The following CHRNA2 variants were observed in gnomAD, a reference collection of about 807,000 sequenced individuals.
The protein encoded by CHRNA2 is neuronal acetylcholine receptor subunit alpha-2.
A neutral mutation model predicts 45.5 loss-of-function variants in CHRNA2; 40 were observed. The observed-to-expected ratio is 0.88, with a 90% CI of 0.68 to 1.15. The LOEUF (loss-of-function observed/expected upper bound fraction) is 1.15. CHRNA2 is among the 50% of genes most tolerant of loss of function. The probability of loss-of-function intolerance (pLI) is 0.00; values close to 1 mark genes in which losing one functional copy is unlikely to be tolerated. For missense variants in CHRNA2, 655 were observed against 701.7 expected, an observed-to-expected ratio of 0.93 and a Z score of 0.75; for synonymous variants, 301 against 296.7, an observed-to-expected ratio of 1.01 and a Z score of -0.15.
rs780846003 is a variant in CHRNA2 at position 27,467,242 on chromosome 8, C to A, written c.436G>T (p.Val146Phe). Residue 146 changes from valine to phenylalanine, a missense_variant, in exon 5 of 7, where the codon GTT becomes TTT. By Grantham distance (50) the Val-to-Phe change is conservative. Around this residue, in one of 3 missense-constraint regions of CHRNA2, gnomAD observed 323 missense variants for 354.4 expected, o/e 0.91. Transcript: ENST00000407991. The part of the protein sequence containing the change: ...PSEMIWIPDI[V>F]LYNNADGEFA... The stretch of plus-strand genomic sequence containing the variant: ...ATGGCTTCCTACTTGTTGTAGAGAA[C>A]AATGTCGGGGATCCAGATCATCTCA... The A allele has an allele frequency of 6.2e-7, 1 of 1,613,468 alleles. No homozygotes were observed. Among genetic ancestry groups the A allele is most frequent in the Non-Finnish European group, 8.5e-7 (1 of 1,179,378 alleles).
Position 27,461,281 on chromosome 8 carries a change from G to C in CHRNA2, c.*348C>G, listed in dbSNP as rs930285465. On this transcript the variant is annotated 3_prime_UTR_variant, in exon 7 of 7. Coordinates refer to ENST00000407991, the MANE Select transcript of CHRNA2 (RefSeq NM_000742.4). Reference sequence around the variant, plus strand: ...CTTTGAGGTCTGCATTCCCTTCCTCGTCACCCTGGCCCCACTGTCCCCCTG... The same window carrying C: ...CTTTGAGGTCTGCATTCCCTTCCTCCTCACCCTGGCCCCACTGTCCCCCTG... 1.0e-5 allele frequency: 3 copies of C among 293,796 alleles called. No individual in the cohort carries two copies. Among genetic ancestry groups the C allele is most frequent in the Non-Finnish European group, 2.0e-5 (3 of 151,000 alleles). The allele number at this position is 293,796 out of a possible 1,614,324, so 18.2% of individuals were successfully genotyped here. A position where few individuals can be genotyped will look rare whatever the true frequency, so the allele number is the denominator to read the frequency against.
intron 1 of CHRNA2, among the ~76,000 whole-genome samples, chr8:27,473,420 C>T (rs7819756): frequency 0.46 from 70,371 of 151,850 alleles, 16,632 homozygotes; most frequent in East Asian, 0.63. Context: ...AAACCAAGGG[C>T]TGGGTACAGT....
In CHRNA2 at chr8:27,463,229, T is replaced by G; in HGVS notation, c.1214A>C (p.Glu405Ala). 1 of 1,592,406 alleles carries G rather than the reference T, an allele frequency of 6.3e-7. No homozygotes were observed. Among genetic ancestry groups the G allele is most frequent in the Non-Finnish European group, 8.6e-7 (1 of 1,166,386 alleles). Residue 405 changes from glutamate to alanine, a missense_variant, in exon 6 of 7, where the codon GAG (glutamate) becomes GCG (alanine). This residue lies in a region of CHRNA2 where 295 missense variants were observed against 280.4 expected (regional missense o/e 1.05). Coordinates refer to ENST00000407991, the MANE Select transcript of CHRNA2 (RefSeq NM_000742.4). This position sits in a 1 kb window ranked among gnomAD's most constrained non-coding sequence, Gnocchi z 6.1. ...LKLSPSYHWL[E>A]SNVDAEEREV... is the part of the protein sequence containing the mutation. ...CCTCTCCTCGGCATCCACGTTGCTCTCCAGCCAGTGATAAGAGGGGCTGAG... is the reference window on the plus strand; with the variant it reads ...CCTCTCCTCGGCATCCACGTTGCTCGCCAGCCAGTGATAAGAGGGGCTGAG...
chr8:27,473,529 C>CG (rs112339518), intron 1 of CHRNA2, among the ~76,000 whole-genome samples: 2,135 of 123,410 alleles, frequency 0.017, 166 homozygotes, highest in African/African-American at 0.059. Context: ...GTGAGACCCC[C>CG]CCCGCCGTCT....
At chr8:27,468,834 T>C (rs1812779045) in intron 4 of CHRNA2, among the ~76,000 whole-genome samples, 1 of 152,236 alleles carries the variant, frequency 6.6e-6, no homozygotes, top group Non-Finnish European at 1.5e-5. Flanking sequence ...AGCCATGAGA[T>C]ACAGTGAGCT....
At chr8:27,462,940 G>A (rs773256801) in intron 6 of CHRNA2, 39 bp downstream of exon 6, 1 of 1,613,522 alleles carries the variant, frequency 6.2e-7, no homozygotes, top group Admixed American at 1.7e-5. Flanking sequence ...TAAGTTGGTG[G>A]GGCCACCCAG....
rs1812587755 is a variant in CHRNA2 at position 27,463,510 on chromosome 8, C to G, written c.933G>C (p.Leu311=). 1.9e-6 allele frequency: 3 copies of G among 1,614,208 alleles called. No homozygotes were observed. Among genetic ancestry groups the G allele is most frequent in the Non-Finnish European group, 1.7e-6 (2 of 1,180,048 alleles). The change falls in exon 6 of 7, where the codon CTG becomes CTC. Residue 311 remains leucine (L), a synonymous_variant. Transcript: ENST00000407991. This position sits in a 1 kb window ranked among gnomAD's most constrained non-coding sequence, Gnocchi z 6.1. ...ISVLLSLTVF[L]LLITEIIPST... ...ACGGGATGATCTCAGTGATGAGCAG[C>G]AGGAAGACGGTGAGTGACAGCAGCA...
intron 4 of CHRNA2, among the ~76,000 whole-genome samples, chr8:27,468,551 C>G (rs1283151354): frequency 6.6e-6 from 1 of 152,212 alleles, no homozygotes; most frequent in Non-Finnish European, 1.5e-5. Flanking sequence ...GACTCTCACT[C>G]TGGAATCCCT....
At chr8:27,471,954 A>G (rs1482567929) in intron 1 of CHRNA2, among the ~76,000 whole-genome samples, 1 of 152,188 alleles carries the variant, frequency 6.6e-6, no homozygotes, top group South Asian at 2.1e-4. Context: ...CTCCAGGGAC[A>G]GGAGAGGAGA....
chr8:27,462,487 A>G (rs1468653042), intron 6 of CHRNA2, among the ~76,000 whole-genome samples: 3 of 152,196 alleles, frequency 2.0e-5, no homozygotes, highest in Admixed American at 6.5e-5. Context: ...ACAACCAAGA[A>G]TCTGCAGGGT....
chr8:27,469,220 T>C, intron 4 of CHRNA2, 115 bp downstream of exon 4: 3 of 1,057,210 alleles, frequency 2.8e-6, no homozygotes, highest in Non-Finnish European at 4.3e-6. Context: ...CTTGGTAAAC[T>C]AAGTTCAGGG....
chr8:27,467,104 G>A (rs1812718897), intron 5 of CHRNA2, 125 bp downstream of exon 5: 2 of 723,488 alleles, frequency 2.8e-6, no homozygotes, highest in South Asian at 3.0e-5. Context: ...GGGGAGGCAT[G>A]CTCAGCACAG....
Position 27,463,997 on chromosome 8 carries a change from A to T in CHRNA2, c.450-4T>A, listed in dbSNP as rs754032235. On this transcript the variant is annotated splice_polypyrimidine_tract_variant and splice_region_variant and intron_variant, in intron 5 of 6. Coordinates refer to ENST00000407991, the MANE Select transcript of CHRNA2 (RefSeq NM_000742.4). The surrounding 1 kb of genome is among the most constrained non-coding windows in gnomAD (Gnocchi z 6.1). ...CACTGCAAACTCCCCATCTGCACTGAGAAGAGGAGAGGAGCTGGGGAGACC... is the reference window on the plus strand; with the variant it reads ...CACTGCAAACTCCCCATCTGCACTGTGAAGAGGAGAGGAGCTGGGGAGACC... 1.9e-6 allele frequency: 3 copies of T among 1,613,914 alleles called. No individual in the cohort carries two copies. The highest frequency in any genetic ancestry group is 2.5e-6 in the Non-Finnish European group (3 of 1,180,008).
chr8:27,471,387 C>A (rs542421071), intron 1 of CHRNA2, among the ~76,000 whole-genome samples, 193 bp from the exon 2 acceptor site: 8 of 152,202 alleles, frequency 5.3e-5, no homozygotes, highest in Admixed American at 2.0e-4. Flanking sequence ...AGTCAGCCAG[C>A]GACTCTGCCC....
intron 5 of CHRNA2, 119 bp downstream of exon 5, chr8:27,467,110 C>G (rs1006293474): frequency 1.4e-6 from 1 of 739,874 alleles, no homozygotes; most frequent in African/African-American, 1.7e-5. Context: ...GCATGCTCAG[C>G]ACAGCAGTCG....
intron 1 of CHRNA2, 22 bp from the exon 2 acceptor site, chr8:27,471,216 C>T: frequency 2.9e-6 from 2 of 680,916 alleles, no homozygotes; most frequent in South Asian, 3.2e-5. Context: ...CAAGAAAGGG[C>T]TCTTAGGGTC....
intron 5 of CHRNA2, among the ~76,000 whole-genome samples, chr8:27,466,281 G>C (rs1209564161): frequency 6.6e-6 from 1 of 152,150 alleles, no homozygotes; most frequent in Non-Finnish European, 1.5e-5. Flanking sequence ...TCCAGAAATG[G>C]GTTGTTTTTC....
At chr8:27,471,305 G>A in intron 1 of CHRNA2, 111 bp from the exon 2 acceptor site, 2 of 462,086 alleles carry the variant, frequency 4.3e-6, no homozygotes, top group Non-Finnish European at 8.0e-6. Context: ...CCCTCAGCAG[G>A]CCTCTCAGCA....
At position 27,463,691 on chromosome 8, in the gene CHRNA2, A is replaced by G. The variant is rs1255648133; in HGVS notation, c.752T>C (p.Ile251Thr). Residue 251 changes from isoleucine (I) to threonine (T), a missense_variant, in exon 6 of 7, where the codon ATC becomes ACC. Transcript: ENST00000407991. The surrounding 1 kb of genome is among the most constrained non-coding windows in gnomAD (Gnocchi z 6.1). Reference protein sequence around the residue: ...NSKKYDCCAEIYPDVTYAFVI... With the variant: ...NSKKYDCCAETYPDVTYAFVI... ...GAAGGCGTAGGTGACGTCGGGGTAGATCTCGGCGCAGCAGTCGTACTTCTT... is the reference window on the plus strand; with the variant it reads ...GAAGGCGTAGGTGACGTCGGGGTAGGTCTCGGCGCAGCAGTCGTACTTCTT... 1.1e-5 allele frequency: 17 copies of G among 1,613,882 alleles called. No individual in the cohort carries two copies. Among genetic ancestry groups the G allele is most frequent in the Non-Finnish European group, 1.4e-5 (16 of 1,180,016 alleles).
Sources: allele counts gnomAD v4.1 joint callset (sites outside exome capture counted in the v4.1 genomes callset), GRCh38; gene constraint gnomAD v4.1.1; regional missense constraint gnomAD v4.1.1; non-coding constraint Gnocchi (gnomAD v3.1); transcripts MANE v1.5; gene names NCBI Gene and HGNC (gene_info 2026-07-23, HGNC 2026-07-21).